TMEM25: variants seen among roughly 807,000 people sequenced by gnomAD.
The protein encoded by TMEM25 is 0610039J01Rik.
In TMEM25, 36 loss-of-function variants were observed where a neutral mutation model predicts 37.0. The ratio of observed to expected loss-of-function variants is 0.97; its 90% CI spans 0.75 to 1.28. The LOEUF (loss-of-function observed/expected upper bound fraction) is 1.28, where lower values mean the gene tolerates loss of function less well. Among genes scored for constraint, TMEM25 ranks in the 50% most tolerant of loss-of-function variants. The pLI, the probability that TMEM25 is intolerant of heterozygous loss-of-function variation, is 0.00. For synonymous variants in TMEM25, 197 were observed against 203.7 expected (o/e 0.97, Z 0.28); for missense variants, 444 against 477.9 (o/e 0.93, Z 0.66).
chr11:118,533,268 A>T, intron 4 of TMEM25, 61 bp downstream of exon 4: 1 of 1,557,718 alleles, frequency 6.4e-7, no homozygotes, highest in Non-Finnish European at 8.6e-7. Flanking sequence ...TCCCGTCCCC[A>T]TACAGAAATG....
In TMEM25 at chr11:118,534,542, C is replaced by A. The variant is rs143259331; in HGVS notation, c.1063C>A (p.Arg355=). 747 of 1,614,212 alleles carry A rather than the reference C, an allele frequency of 4.6e-4. 3 individuals carry two copies. In the African/African-American group the frequency reaches 9.1e-3, roughly 20 times the overall value. The part of the protein sequence containing the change: ...IRLPVLGYIY[R]VSSVSSDEIW... The stretch of plus-strand genomic sequence containing the variant: ...CCTCCCAGTGCTGGGCTATATCTAT[C>A]GAGTGTCCAGCGTGAGCAGTGATGA... The change falls in exon 9 of 9, where the codon CGA becomes AGA. Residue 355 remains arginine (R), a synonymous_variant. Transcript: ENST00000313236. This position sits in a 1 kb window ranked among gnomAD's most constrained non-coding sequence, Gnocchi z 4.6.
chr11:118,534,519 T>C lies in TMEM25; in HGVS notation c.1040T>C (p.Leu347Pro). 6.2e-7 allele frequency: 1 copy of C among 1,614,194 alleles called. No individual in the cohort carries two copies. Among genetic ancestry groups the C allele is most frequent in the Non-Finnish European group, 8.5e-7 (1 of 1,180,028 alleles). The change falls in exon 9 of 9, where the codon CTC (leucine) becomes CCC (proline). Residue 347 changes from leucine to proline, a missense_variant. By Grantham distance (98) the Leu-to-Pro change is moderately conservative. Coordinates refer to ENST00000313236, the MANE Select transcript of TMEM25 (RefSeq NM_032780.4). This position sits in a 1 kb window ranked among gnomAD's most constrained non-coding sequence, Gnocchi z 4.6. ...TTTGATCCCGCAGGTTTCATCCGCC[T>C]CCCAGTGCTGGGCTATATCTATCGA... ...GLLTSQGFIR[L>P]PVLGYIYRVS... is the part of the protein sequence containing the mutation.
Position 118,532,731 on chromosome 11 carries a change from T to C in TMEM25, c.383-186T>C, listed in dbSNP as rs1555059944. 3.4e-6 allele frequency: 3 copies of C among 879,690 alleles called. No individual in the cohort carries two copies. The East Asian group carries it at 7.7e-5, about 22-fold the overall frequency. The allele number at this position is 879,690 out of a possible 1,614,324, so 54.5% of individuals were successfully genotyped here. On this transcript the variant is annotated intron_variant, in intron 3 of 8. Transcript: ENST00000313236. Reference sequence around the variant, plus strand: ...GAGCCAGGATTCACATCTGGGCATTTGGCTCTAGTATTTACACTCATAATC... The same window carrying C: ...GAGCCAGGATTCACATCTGGGCATTCGGCTCTAGTATTTACACTCATAATC...
At chr11:118,532,626 C>A in intron 3 of TMEM25, 165 bp downstream of exon 3, 1 of 874,808 alleles carries the variant, frequency 1.1e-6, no homozygotes, top group Admixed American at 2.9e-5. Flanking sequence ...CTATTGTCGT[C>A]ACCATTTTAC....
chr11:118,545,230 A>C (rs143782568), intron 8 of TMEM25, among the ~76,000 whole-genome samples: 1 of 150,832 alleles, frequency 6.6e-6, no homozygotes. Context: ...TTTTTCCTCC[A>C]CTTTCCCCTT....
rs782257019 is a variant in TMEM25, at chr11:118,534,095, C to T, written c.903C>T (p.Asn301=). Residue 301 remains asparagine, a synonymous_variant, in exon 7 of 9, where the codon AAC becomes AAT. Coordinates refer to ENST00000313236, the MANE Select transcript of TMEM25 (RefSeq NM_032780.4). The surrounding 1 kb of genome is among the most constrained non-coding windows in gnomAD (Gnocchi z 4.6). ...LPRENMSLPS[N]LQLNDLTPDS... ...GGGAGAACATGTCCCTCCCGTCCAA[C>T]CTTCAGCTCAATGACCTCACTCCAG... 265 of 1,614,204 alleles carry T rather than the reference C, an allele frequency of 1.6e-4. 2 individuals are homozygous for T. The Middle Eastern group carries it at 1.6e-3, about 10-fold the overall frequency.
rs976049417 is a variant in TMEM25, at chr11:118,532,223, C to T, written c.144C>T (p.His48=). ...GGGCACTTCGGGAGAATGAACGCCA[C>T]GCCTTCACCTGCCGGGTGGCAGGGG... The part of the protein sequence containing the change: ...AERALRENER[H]AFTCRVAGGP... Residue 48 remains histidine, a synonymous_variant, in exon 3 of 9, where the codon CAC becomes CAT. Transcript: ENST00000313236. The T allele has an allele frequency of 1.1e-5, 17 of 1,612,180 alleles. No individual in the cohort carries two copies. The highest frequency in any genetic ancestry group is 2.2e-5 in the East Asian group (1 of 44,874).
chr11:118,533,821 C>T (rs1555061247), intron 5 of TMEM25, 36 bp from the exon 6 acceptor site: 1 of 1,613,766 alleles, frequency 6.2e-7, no homozygotes, highest in Non-Finnish European at 8.5e-7. Flanking sequence ...TGGGAGGGCA[C>T]ACTGAGAATT....
In TMEM25 at chr11:118,533,568, G is replaced by A. The variant is rs782098780; in HGVS notation, c.805+17G>A. 2.5e-6 allele frequency: 4 copies of A among 1,613,424 alleles called. No individual in the cohort carries two copies. Among genetic ancestry groups the A allele is most frequent in the Non-Finnish European group, 3.4e-6 (4 of 1,179,804 alleles). ...AAACCAAAGGTAGGCCAGGGACACT[G>A]GGGGCAGTGTGGATGAGGTCAGGCT... On this transcript the variant is annotated intron_variant, in intron 5 of 8. Coordinates refer to ENST00000313236, the MANE Select transcript of TMEM25 (RefSeq NM_032780.4).
At position 118,532,945 on chromosome 11, in the gene TMEM25, C is replaced by T; in HGVS notation, c.411C>T (p.Ala137=). The T allele has an allele frequency of 6.2e-7, 1 of 1,614,016 alleles. No individual in the cohort carries two copies. The highest frequency in any genetic ancestry group is 2.2e-5 in the East Asian group (1 of 44,880). ...AGCCAGAGATTGCCCAAGTCGGCGC[C>T]AAGTACCAGGAAGCTCAGGGCCCAG... is the stretch of plus-strand genomic sequence containing the variant. ...QFKPEIAQVG[A]KYQEAQGPGL... is the part of the protein sequence containing the mutation. Residue 137 remains alanine (A), a synonymous_variant, in exon 4 of 9, where the codon GCC becomes GCT. Coordinates refer to ENST00000313236, the MANE Select transcript of TMEM25 (RefSeq NM_032780.4).
downstream of TMEM25, among the ~76,000 whole-genome samples, chr11:118,537,112 G>A (rs1591348255): frequency 6.6e-6 from 1 of 152,240 alleles, no homozygotes. Context: ...AGGCCGAGGC[G>A]GGTGGATTGC....
chr11:118,531,244 C>A lies in TMEM25; in HGVS notation c.-28+10C>A. 2 of 400,894 alleles carry A rather than the reference C, an allele frequency of 5.0e-6. No homozygotes were observed. Among genetic ancestry groups the A allele is most frequent in the Non-Finnish European group, 9.1e-6 (2 of 220,504 alleles). 24.8% of individuals were successfully genotyped at this position (400,894 alleles called of 1,614,324 possible). The stretch of plus-strand genomic sequence containing the variant: ...TCGGGGAGGGAGCCAGGTGAGCCGC[C>A]CCGGTGGCGGGGGGCGGGGGCGGGA... On this transcript the variant is annotated intron_variant, in intron 1 of 8. Transcript: ENST00000313236.
In TMEM25 at chr11:118,534,110, C is replaced by T. The variant is rs1555061658; in HGVS notation, c.918C>T (p.Asp306=). 1.2e-6 allele frequency: 2 copies of T among 1,614,186 alleles called. No individual in the cohort carries two copies. The highest frequency in any genetic ancestry group is 1.1e-5 in the South Asian group (1 of 91,076). The part of the protein sequence containing the change: ...MSLPSNLQLN[D]LTPDSRAVKP... ...TCCCGTCCAACCTTCAGCTCAATGA[C>T]CTCACTCCAGATTCCAGAGGTATAT... The change falls in exon 7 of 9, where the codon GAC becomes GAT. Residue 306 remains aspartate, a synonymous_variant. Transcript: ENST00000313236. This position sits in a 1 kb window ranked among gnomAD's most constrained non-coding sequence, Gnocchi z 4.6.
In TMEM25 at chr11:118,533,416, C is replaced by T. The variant is rs1555060845; in HGVS notation, c.674-4C>T. The T allele has an allele frequency of 6.2e-7, 1 of 1,613,544 alleles. No individual in the cohort carries two copies. Among genetic ancestry groups the T allele is most frequent in the East Asian group, 2.2e-5 (1 of 44,880 alleles). On this transcript the variant is annotated splice_region_variant and splice_polypyrimidine_tract_variant and intron_variant, in intron 4 of 8. Coordinates refer to ENST00000313236, the MANE Select transcript of TMEM25 (RefSeq NM_032780.4). ...TGGGACCTGACACAGAGGACATCCT[C>T]CAGGGCTTCTGGCTACCCGGGTGGA...
chr11:118,533,864 C>A lies in TMEM25; in HGVS notation c.813C>A (p.Ser271=). Residue 271 remains serine, a synonymous_variant, in exon 6 of 9, where the codon TCC becomes TCA. Transcript: ENST00000313236. ...CRKEKKTKGP[S]RHPSLISSDS... Reference sequence around the variant, plus strand: ...TGGTTTCTTTCTCCACAGGCCCCTCCCGGCACCCATCTCTGATATCAAGGT... The same window carrying A: ...TGGTTTCTTTCTCCACAGGCCCCTCACGGCACCCATCTCTGATATCAAGGT... 6.2e-7 allele frequency: 1 copy of A among 1,614,040 alleles called. No individual in the cohort carries two copies. Among genetic ancestry groups the A allele is most frequent in the East Asian group, 2.2e-5 (1 of 44,862 alleles).
intron 5 of TMEM25, 140 bp from the exon 6 acceptor site, chr11:118,533,717 G>C: frequency 6.4e-7 from 1 of 1,567,304 alleles, no homozygotes; most frequent in Non-Finnish European, 8.7e-7. Context: ...GTCAAGCACT[G>C]GGAACCCAGT....
At position 118,534,086 on chromosome 11, in the gene TMEM25, C is replaced by A. The variant is rs955040582; in HGVS notation, c.894C>A (p.Leu298=). The part of the protein sequence containing the change: ...NVRLPRENMS[L]PSNLQLNDLT... ...GCCTGCCACGGGAGAACATGTCCCT[C>A]CCGTCCAACCTTCAGCTCAATGACC... The change falls in exon 7 of 9, where the codon CTC becomes CTA. Residue 298 remains leucine (L), a synonymous_variant. Coordinates refer to ENST00000313236, the MANE Select transcript of TMEM25 (RefSeq NM_032780.4). The surrounding 1 kb of genome is among the most constrained non-coding windows in gnomAD (Gnocchi z 4.6). 6.2e-7 allele frequency: 1 copy of A among 1,614,174 alleles called. No homozygotes were observed. Among genetic ancestry groups the A allele is most frequent in the Admixed American group, 1.7e-5 (1 of 60,026 alleles).
At position 118,535,349 on chromosome 11, in the gene TMEM25, T is replaced by TGGAA; in HGVS notation, c.*769_*770insGGAA. On this transcript the variant is annotated 3_prime_UTR_variant, in exon 9 of 9. Transcript: ENST00000313236. The stretch of plus-strand genomic sequence containing the variant: ...AGTAGCACCCAGGACGGCTTGTAGC[T>TGGAA]ATGCATCATTTTCCTACGGCGTTAG... The TGGAA allele has an allele frequency of 1.4e-6, 2 of 1,394,376 alleles. No homozygotes were observed. Among genetic ancestry groups the TGGAA allele is most frequent in the Non-Finnish European group, 1.9e-6 (2 of 1,077,044 alleles). 86.4% of individuals were successfully genotyped at this position (1,394,376 alleles called of 1,614,324 possible).
At chr11:118,544,792 C>T (rs958309478) in intron 8 of TMEM25, 34 of 690,322 alleles carry the variant, frequency 4.9e-5, no homozygotes, top group Non-Finnish European at 8.1e-5. Context: ...GGCAGCAGGA[C>T]ATGCACTGCC....
Sources: gnomAD v4.1 joint callset for allele counts (sites outside exome capture counted in the v4.1 genomes callset) on GRCh38, gnomAD v4.1.1 for gene constraint, Gnocchi (gnomAD v3.1) non-coding constraint, MANE v1.5 for transcripts, NCBI Gene and HGNC (gene_info 2026-07-23, HGNC 2026-07-21) for gene names.